The following SDK1 variants were observed in gnomAD, a reference collection of about 807,000 sequenced individuals.
SDK1 encodes protein sidekick-1.
A neutral mutation model predicts 245.5 loss-of-function variants in SDK1; 157 were observed. That is an observed-to-expected ratio of 0.64 (90% confidence interval 0.56 to 0.73). The LOEUF is 0.73. SDK1 is among the 30% of genes least tolerant of loss of function. The probability of loss-of-function intolerance (pLI) is 0.00; values close to 1 mark genes in which losing one functional copy is unlikely to be tolerated. For synonymous variants in SDK1, 1,647 were observed against 1,278.5 expected, an observed-to-expected ratio of 1.29 and a Z score of -6.15; for missense variants, 3,583 against 3,002.3, an observed-to-expected ratio of 1.19 and a Z score of -4.52.
At chr7:3,981,649 T>C (rs1350511707) in intron 13 of SDK1, among the ~76,000 whole-genome samples, 10 of 152,152 alleles carry the variant, frequency 6.6e-5, no homozygotes, top group Admixed American at 5.9e-4. Context: ...GTGGAGAAAG[T>C]TTGAGTGGTC....
chr7:3,594,267 G>T (rs935828292), intron 1 of SDK1, among the ~76,000 whole-genome samples: 9 of 152,148 alleles, frequency 5.9e-5, no homozygotes, highest in African/African-American at 2.2e-4. Context: ...CATCCATGTT[G>T]CAACATGTGT....
chr7:4,069,844 C>T (rs888869589), intron 20 of SDK1, among the ~76,000 whole-genome samples: 1 of 152,312 alleles, frequency 6.6e-6, no homozygotes, highest in African/African-American at 2.4e-5. Flanking sequence ...GTCTTATAAC[C>T]GAGGCCTGGC....
At position 3,595,598 on chromosome 7, in the gene SDK1, G is replaced by T. The variant is rs555130669; in HGVS notation, c.299-23482G>T. On this transcript the variant is annotated intron_variant, in intron 1 of 44. Transcript: ENST00000404826. The stretch of plus-strand genomic sequence containing the variant: ...TTTAGTTTACATTCTGAATCTTAGG[G>T]GCAGTGAGGCAGAGTGACATGATCA... 2.5e-4 allele frequency among the ~76,000 whole-genome samples: 38 copies of T among 150,830 alleles called. 1 individual carries two copies. In the South Asian group the frequency reaches 8.0e-3, roughly 32 times the overall value.
At chr7:3,904,704 T>C (rs1781902696) in intron 5 of SDK1, among the ~76,000 whole-genome samples, 1 of 151,360 alleles carries the variant, frequency 6.6e-6, no homozygotes, top group Admixed American at 6.6e-5. Flanking sequence ...TAAAAAAAAT[T>C]AATAATAGGC....
At position 3,342,588 on chromosome 7, in the gene SDK1, C is replaced by CA. The variant is rs1391680648; in HGVS notation, c.298+40712dup. Among the ~76,000 whole-genome samples the CA allele has an allele frequency of 1.4e-3, 203 of 146,302 alleles. 1 individual carries two copies. The highest frequency in any genetic ancestry group is 2.6e-3 in the South Asian group (12 of 4,626). ...AGGCAACAAGAGCGAAACTCCATCT[C>CA]AAAAAAAAGAAAAAAAAAAGGAAGT... On this transcript the variant is annotated intron_variant, in intron 1 of 44. Transcript: ENST00000404826.
At chr7:3,872,601 T>G (rs1294059310) in intron 5 of SDK1, among the ~76,000 whole-genome samples, 1 of 150,588 alleles carries the variant, frequency 6.6e-6, no homozygotes. Context: ...TTTTTACATA[T>G]GTGATATCAG....
chr7:3,544,784 G>T (rs905539386), intron 1 of SDK1, among the ~76,000 whole-genome samples: 1 of 152,164 alleles, frequency 6.6e-6, no homozygotes, highest in Admixed American at 6.5e-5. Context: ...GTGGCTTAAA[G>T]CAAGTTTATT....
chr7:3,575,786 G>C (rs1304119642), intron 1 of SDK1, among the ~76,000 whole-genome samples: 6 of 151,996 alleles, frequency 3.9e-5, no homozygotes, highest in African/African-American at 1.4e-4. Flanking sequence ...TCTATCATGT[G>C]TCATTGAAAC....
At chr7:3,615,438 C>T (rs879583667) in intron 1 of SDK1, among the ~76,000 whole-genome samples, 11 of 151,796 alleles carry the variant, frequency 7.2e-5, no homozygotes, top group African/African-American at 2.6e-4. Context: ...AGGCAGAACT[C>T]TTGGAACAGG....
At position 3,821,549 on chromosome 7, in the gene SDK1, C is replaced by T. The variant is rs148973866; in HGVS notation, c.813C>T (p.Asn271=). The change falls in exon 5 of 45, where the codon AAC becomes AAT. Residue 271 remains asparagine (N), a synonymous_variant. Transcript: ENST00000404826. Reference sequence around the variant, plus strand: ...CCGTGAATGAGAAAAATGGAGAAAACAAGACAAGCCCATTCATTCATTTGA... The same window carrying T: ...CCGTGAATGAGAAAAATGGAGAAAATAAGACAAGCCCATTCATTCATTTGA... The part of the protein sequence containing the change: ...VQAVNEKNGE[N]KTSPFIHLSI... 50 of 1,613,786 alleles carry T rather than the reference C, an allele frequency of 3.1e-5. No individual in the cohort carries two copies. The African/African-American group carries it at 6.0e-4, about 19-fold the overall frequency.
intron 2 of SDK1, among the ~76,000 whole-genome samples, chr7:3,629,229 A>T (rs1264234095): frequency 6.6e-6 from 1 of 151,526 alleles, no homozygotes; most frequent in African/African-American, 2.4e-5. Context: ...TGAACCCAGG[A>T]GGCAGAGCTT....
In SDK1 at chr7:3,957,549, T is replaced by C. The variant is rs115573196; in HGVS notation, c.1151-1382T>C. On this transcript the variant is annotated intron_variant, in intron 7 of 44. Transcript: ENST00000404826. ...AGCAAATGTTGTTGTCGAATGTATG[T>C]TTTTTTCCTTTTTCCTTCCATGCTT... Among the ~76,000 whole-genome samples, 164 of 152,282 alleles carry C rather than the reference T, an allele frequency of 1.1e-3. 1 individual carries two copies. The highest frequency in any genetic ancestry group is 3.1e-3 in the African/African-American group (130 of 41,562).
chr7:4,030,200 C>T (rs1380956484), intron 17 of SDK1, among the ~76,000 whole-genome samples: 6 of 152,206 alleles, frequency 3.9e-5, no homozygotes, highest in East Asian at 1.9e-4. Flanking sequence ...TCTGTCTCAT[C>T]GTGTGAGCCA....
At chr7:3,471,687 T>C (rs1024148959) in intron 1 of SDK1, among the ~76,000 whole-genome samples, 1 of 152,200 alleles carries the variant, frequency 6.6e-6, no homozygotes, top group African/African-American at 2.4e-5. Context: ...GTTTTCAAGA[T>C]GAAGGACTGA....
chr7:3,649,127 G>C (rs939920501), intron 4 of SDK1, among the ~76,000 whole-genome samples: 2 of 152,108 alleles, frequency 1.3e-5, no homozygotes, highest in African/African-American at 2.4e-5. Context: ...GGTGTGTTCT[G>C]ATATGAAGCA....
Position 3,448,885 on chromosome 7 carries a change from C to T in SDK1, c.298+147001C>T, listed in dbSNP as rs370572393. Reference sequence around the variant, plus strand: ...CTCAAATGTCAAATGCTACCTGTTACTCTTTATTGTTTCTGGCTAAAATTG... The same window carrying T: ...CTCAAATGTCAAATGCTACCTGTTATTCTTTATTGTTTCTGGCTAAAATTG... On this transcript the variant is annotated intron_variant, in intron 1 of 44. Transcript: ENST00000404826. 1.9e-4 allele frequency among the ~76,000 whole-genome samples: 29 copies of T among 152,260 alleles called. No individual in the cohort carries two copies. In the East Asian group the frequency reaches 2.9e-3, roughly 15 times the overall value.
rs140928849 is a variant in SDK1 at position 3,974,471 on chromosome 7, C to T, written c.1920C>T (p.Gly640=). The T allele has an allele frequency of 9.2e-5, 148 of 1,614,086 alleles. No homozygotes were observed. The Admixed American group carries it at 1.3e-3, about 15-fold the overall frequency. The change falls in exon 13 of 45, where the codon GGC becomes GGT. Residue 640 remains glycine (G), a synonymous_variant. Transcript: ENST00000404826. ...GSLLISQTWS[G]DIGDYSCEIV... is the part of the protein sequence containing the mutation. Reference sequence around the variant, plus strand: ...TTCTCATCAGCCAGACGTGGTCAGGCGACATCGGTGACTACAGCTGCGAGA... The same window carrying T: ...TTCTCATCAGCCAGACGTGGTCAGGTGACATCGGTGACTACAGCTGCGAGA...
chr7:3,562,822 C>A (rs188819491), intron 1 of SDK1, among the ~76,000 whole-genome samples: 1 of 151,620 alleles, frequency 6.6e-6, no homozygotes, highest in African/African-American at 2.4e-5. Flanking sequence ...TATACAAGAC[C>A]TTATAAAAGT....
At chr7:3,903,954 C>T (rs1781879010) in intron 5 of SDK1, among the ~76,000 whole-genome samples, 1 of 152,144 alleles carries the variant, frequency 6.6e-6, no homozygotes, top group South Asian at 2.1e-4. Flanking sequence ...TCTTCGCACA[C>T]GAGACACCCC....
Sources: allele counts gnomAD v4.1 joint callset (sites outside exome capture counted in the v4.1 genomes callset), GRCh38; gene constraint gnomAD v4.1.1; transcripts MANE v1.5; gene names NCBI Gene and HGNC (gene_info 2026-07-23, HGNC 2026-07-21).